The following MED27 variants were observed in gnomAD, a reference collection of about 807,000 sequenced individuals.
MED27 encodes the protein mediator of RNA polymerase II transcription subunit 27.
A neutral mutation model predicts 38.2 loss-of-function variants in MED27; 30 were observed. The ratio of observed to expected loss-of-function variants is 0.79; its 90% confidence interval spans 0.59 to 1.07. MED27 has a LOEUF of 1.07. Ranked by LOEUF, MED27 falls within the 50% of genes least tolerant of loss-of-function variation. MED27 has a pLI of 0.00. For missense variants in MED27, 289 were observed against 397.5 expected (o/e 0.73, Z 2.32); for synonymous variants, 122 against 153.5 (o/e 0.79, Z 1.52).
At chr9:132,029,957 GCA>G (rs144701081) in intron 2 of MED27, among the ~76,000 whole-genome samples, 2 of 152,328 alleles carry the variant, frequency 1.3e-5, no homozygotes, top group African/African-American at 2.4e-5. Context: ...TACTAGAGTG[GCA>G]GGAGGTAGAA....
At chr9:131,907,442 T>G (rs1313288952) in intron 4 of MED27, among the ~76,000 whole-genome samples, 1 of 152,170 alleles carries the variant, frequency 6.6e-6, no homozygotes, top group African/African-American at 2.4e-5. Flanking sequence ...CTGGTCTCCA[T>G]CTCCTAACCG....
In MED27 at chr9:131,997,586, C is replaced by T. The variant is rs931411804; in HGVS notation, c.479+16751G>A. On this transcript the variant is annotated intron_variant, in intron 3 of 7. Coordinates refer to ENST00000292035, the MANE Select transcript of MED27 (RefSeq NM_004269.4). This position sits in a 1 kb window ranked among gnomAD's most constrained non-coding sequence, Gnocchi z 4.0. ...AGTCCTGCTTCCTCCCACTTTCTTT[C>T]ACAGGGGGTGATCCCTAATAAATAT... 1.3e-5 allele frequency among the ~76,000 whole-genome samples: 2 copies of T among 152,232 alleles called. No individual in the cohort carries two copies. Among genetic ancestry groups the T allele is most frequent in the Admixed American group, 6.5e-5 (1 of 15,286 alleles).
At chr9:132,020,718 T>C (rs568955740) in intron 2 of MED27, among the ~76,000 whole-genome samples, 5 of 152,346 alleles carry the variant, frequency 3.3e-5, no homozygotes, top group Admixed American at 1.3e-4. Flanking sequence ...TCTGGTATTA[T>C]CTGTGCCAAG....
chr9:131,885,034 C>T (rs1839114272), intron 5 of MED27, among the ~76,000 whole-genome samples: 2 of 152,232 alleles, frequency 1.3e-5, no homozygotes, highest in Non-Finnish European at 2.9e-5. Context: ...GGACAGGAGG[C>T]TTGCCTTCCT....
At chr9:131,976,784 TA>T (rs1469621776) in intron 3 of MED27, among the ~76,000 whole-genome samples, 1 of 152,188 alleles carries the variant, frequency 6.6e-6, no homozygotes, top group African/African-American at 2.4e-5. Context: ...TCCAACCAAA[TA>T]AATGAATACA....
chr9:131,929,045 T>C (rs1419011907), intron 4 of MED27, among the ~76,000 whole-genome samples: 2 of 152,190 alleles, frequency 1.3e-5, no homozygotes, highest in Non-Finnish European at 2.9e-5. Flanking sequence ...CACAACAGGA[T>C]AGGGCACCAG....
At chr9:131,998,875 C>G (rs2131053520) in intron 3 of MED27, among the ~76,000 whole-genome samples, 1 of 151,032 alleles carries the variant, frequency 6.6e-6, no homozygotes, top group East Asian at 1.9e-4. Context: ...TACTTAATTT[C>G]AATTGTTTTA....
chr9:131,927,079 G>A (rs185599205), intron 4 of MED27, among the ~76,000 whole-genome samples: 2 of 152,250 alleles, frequency 1.3e-5, no homozygotes, highest in East Asian at 1.9e-4. Context: ...GATGTTAGGC[G>A]GTAGATTAAC....
At chr9:131,941,554 AAAC>A (rs1830785861) in intron 3 of MED27, among the ~76,000 whole-genome samples, 1 of 152,162 alleles carries the variant, frequency 6.6e-6, no homozygotes, top group South Asian at 2.1e-4. Context: ...GCCCAGTGGT[AAAC>A]AACGACAACA....
rs763723004 is a variant in MED27 at position 132,042,913 on chromosome 9, A to T, written c.349-28446T>A. Among the ~76,000 whole-genome samples, 4 of 152,178 alleles carry T rather than the reference A, an allele frequency of 2.6e-5. No individual in the cohort carries two copies. In the South Asian group the frequency reaches 8.3e-4, roughly 32 times the overall value. Reference sequence around the variant, plus strand: ...TAATCATGTGTACATTACCTTTGCCAACTCTAGCTATGGGAACAAATTAGA... The same window carrying T: ...TAATCATGTGTACATTACCTTTGCCTACTCTAGCTATGGGAACAAATTAGA... On this transcript the variant is annotated intron_variant, in intron 2 of 7. Transcript: ENST00000292035.
At chr9:132,042,872 G>T (rs1325314474) in intron 2 of MED27, among the ~76,000 whole-genome samples, 1 of 152,186 alleles carries the variant, frequency 6.6e-6, no homozygotes, top group Non-Finnish European at 1.5e-5. Context: ...TATAAAAGAG[G>T]TGATCACGTA....
At chr9:131,898,575 T>C (rs886606071) in intron 4 of MED27, among the ~76,000 whole-genome samples, 1 of 151,480 alleles carries the variant, frequency 6.6e-6, no homozygotes, top group Non-Finnish European at 1.5e-5. Context: ...TGAATAGGCA[T>C]AGAATTATGG....
intron 4 of MED27, among the ~76,000 whole-genome samples, chr9:131,918,374 C>T (rs182991327): frequency 1.8e-4 from 28 of 152,310 alleles, no homozygotes; most frequent in Admixed American, 1.6e-3. Context: ...AACATACATT[C>T]ACTGGACAGA....
At position 131,958,148 on chromosome 9, in the gene MED27, G is replaced by A. The variant is rs548932613; in HGVS notation, c.480-18674C>T. The stretch of plus-strand genomic sequence containing the variant: ...AACTGGTATATTTTATTTTATGTAA[G>A]TTATACTTCAAGTTGATTTTTTAAA... On this transcript the variant is annotated intron_variant, in intron 3 of 7. Transcript: ENST00000292035. Among the ~76,000 whole-genome samples the A allele has an allele frequency of 9.2e-5, 14 of 151,938 alleles. No individual in the cohort carries two copies. The South Asian group carries it at 2.7e-3, about 29-fold the overall frequency.
chr9:131,945,805 A>AC (rs1830875833), intron 3 of MED27, among the ~76,000 whole-genome samples: 1 of 151,290 alleles, frequency 6.6e-6, no homozygotes, highest in East Asian at 1.9e-4. Context: ...TAAAAAAAAA[A>AC]AAAAAAAAAA....
chr9:131,993,736 T>C (rs1161547578), intron 3 of MED27, among the ~76,000 whole-genome samples: 2 of 152,176 alleles, frequency 1.3e-5, no homozygotes, highest in East Asian at 3.9e-4. Flanking sequence ...TTCATTAACA[T>C]CGATGACAGG....
intron 4 of MED27, among the ~76,000 whole-genome samples, chr9:131,895,479 C>T (rs1046365386): frequency 6.6e-6 from 1 of 152,210 alleles, no homozygotes; most frequent in Non-Finnish European, 1.5e-5. Context: ...AGTTTTCCAA[C>T]TGATCATCCT....
At chr9:131,995,897 T>C (rs745995580) in intron 3 of MED27, among the ~76,000 whole-genome samples, 14 of 152,178 alleles carry the variant, frequency 9.2e-5, no homozygotes, top group Non-Finnish European at 1.9e-4. Flanking sequence ...GGAAGAATAC[T>C]TGGGTCTGGG....
intron 5 of MED27, among the ~76,000 whole-genome samples, chr9:131,891,483 T>C (rs1337848900): frequency 6.6e-6 from 1 of 152,164 alleles, no homozygotes; most frequent in Non-Finnish European, 1.5e-5. Flanking sequence ...CCAAATAAGT[T>C]AGGAAAATAT....
Sources: allele counts gnomAD v4.1 joint callset (sites outside exome capture counted in the v4.1 genomes callset), GRCh38; gene constraint gnomAD v4.1.1; non-coding constraint Gnocchi (gnomAD v3.1); transcripts MANE v1.5; gene names NCBI Gene and HGNC (gene_info 2026-07-23, HGNC 2026-07-21).